Variants in SAMD12 observed in about 807,000 individuals in gnomAD.
The protein encoded by SAMD12 is sterile alpha motif domain containing 12.
Under a neutral mutation model 15.0 loss-of-function variants are expected in SAMD12, and 9 were observed. That is an observed-to-expected ratio of 0.60 (90% CI 0.36 to 1.05). SAMD12 has a LOEUF of 1.05. Ranked by LOEUF, SAMD12 falls within the 50% of genes least tolerant of loss-of-function variation. The probability of loss-of-function intolerance (pLI) is 0.01; values close to 1 mark genes in which losing one functional copy is unlikely to be tolerated. For synonymous variants in SAMD12, 86 were observed against 90.1 expected (o/e 0.96, Z 0.25); for missense variants, 230 against 234.2 (o/e 0.98, Z 0.12).
chr8:118,586,742 G>A (rs1342266287), intron 1 of SAMD12, among the ~76,000 whole-genome samples: 1 of 152,152 alleles, frequency 6.6e-6, no homozygotes, highest in African/African-American at 2.4e-5. Flanking sequence ...GCCCCCAGAA[G>A]AAGTGACTAC....
chr8:118,544,212 G>C (rs557010244), intron 2 of SAMD12, among the ~76,000 whole-genome samples: 1 of 152,168 alleles, frequency 6.6e-6, no homozygotes, highest in Non-Finnish European at 1.5e-5. Flanking sequence ...GCACAAAAAT[G>C]AGTCATATTT....
At chr8:118,274,344 T>C (rs2130125153) in intron 4 of SAMD12, among the ~76,000 whole-genome samples, 1 of 152,318 alleles carries the variant, frequency 6.6e-6, no homozygotes, top group African/African-American at 2.4e-5. Flanking sequence ...TTGGCAATTT[T>C]CGAGAAATGA....
At chr8:118,381,459 C>G (rs1222802307) in intron 3 of SAMD12, among the ~76,000 whole-genome samples, 2 of 152,190 alleles carry the variant, frequency 1.3e-5, no homozygotes, top group East Asian at 3.8e-4. Flanking sequence ...TCTTACCTTA[C>G]ATGACAAAAG....
At chr8:118,255,618 C>T (rs28479493) in intron 4 of SAMD12, among the ~76,000 whole-genome samples, 1 of 148,628 alleles carries the variant, frequency 6.7e-6, no homozygotes, top group Non-Finnish European at 1.5e-5. Flanking sequence ...GGTTTTTTGT[C>T]CTTGCGATAG....
At chr8:118,531,263 C>T (rs1392095206) in intron 2 of SAMD12, among the ~76,000 whole-genome samples, 3 of 152,086 alleles carry the variant, frequency 2.0e-5, no homozygotes, top group Non-Finnish European at 4.4e-5. Flanking sequence ...ATTTCTGAGG[C>T]TTCTATTCTG....
chr8:118,549,781 A>G (rs1382163961), intron 2 of SAMD12, among the ~76,000 whole-genome samples: 2 of 152,250 alleles, frequency 1.3e-5, no homozygotes, highest in Non-Finnish European at 2.9e-5. Context: ...AAACTTTGAA[A>G]AAAATTTAGA....
At chr8:118,432,474 A>T (rs1377322225) in intron 3 of SAMD12, among the ~76,000 whole-genome samples, 1 of 152,206 alleles carries the variant, frequency 6.6e-6, no homozygotes, top group African/African-American at 2.4e-5. Context: ...GGCAGTCATC[A>T]AGAGCTTTCT....
intron 4 of SAMD12, among the ~76,000 whole-genome samples, chr8:118,341,639 G>A (rs898723622): frequency 1.3e-4 from 20 of 152,156 alleles, no homozygotes; most frequent in South Asian, 2.1e-4. Flanking sequence ...GTGTCTTTGC[G>A]TAGTGGAAAG....
At chr8:118,186,550 C>T (rs1389369672), downstream of SAMD12, among the ~76,000 whole-genome samples, 2 of 95,944 alleles carry the variant, frequency 2.1e-5, no homozygotes, top group Admixed American at 9.3e-5. Context: ...CTTCTGTTAC[C>T]CTCCATTTTT....
chr8:118,438,867 ACTT>A (rs1424546261), intron 3 of SAMD12, among the ~76,000 whole-genome samples: 1 of 152,102 alleles, frequency 6.6e-6, no homozygotes, highest in Non-Finnish European at 1.5e-5. Flanking sequence ...ACTAGAAATG[ACTT>A]CTTAACACTG....
chr8:118,149,309 TA>T, the SAMD12 span, among the ~76,000 whole-genome samples: 1 of 152,204 alleles, frequency 6.6e-6, no homozygotes, highest in African/African-American at 2.4e-5. Flanking sequence ...CAGTTAAAAT[TA>T]TATATGTTTT....
intron 2 of SAMD12, among the ~76,000 whole-genome samples, chr8:118,463,431 A>T (rs1443723287): frequency 3.3e-5 from 5 of 152,134 alleles, no homozygotes; most frequent in Non-Finnish European, 5.9e-5. Flanking sequence ...GACATTCAGC[A>T]TCGTGTGGGA....
the SAMD12 span, among the ~76,000 whole-genome samples, chr8:118,151,367 T>C: frequency 1.3e-5 from 2 of 152,222 alleles, no homozygotes; most frequent in Non-Finnish European, 2.9e-5. Context: ...CAAATGTTTT[T>C]CAGCCCCTTC....
Position 118,607,182 on chromosome 8 carries a change from G to A in SAMD12, c.13+14622C>T, listed in dbSNP as rs144831835. Reference sequence around the variant, plus strand: ...TAAGAAGTCATTCTTTAATAGTCACGTTTTTACAGAAAATTCTGAAGATGA... The same window carrying A: ...TAAGAAGTCATTCTTTAATAGTCACATTTTTACAGAAAATTCTGAAGATGA... On this transcript the variant is annotated intron_variant, in intron 1 of 3. Transcript: ENST00000314727. Among the ~76,000 whole-genome samples, 904 of 152,050 alleles carry A rather than the reference G, an allele frequency of 5.9e-3. 6 individuals carry two copies. Among genetic ancestry groups the A allele is most frequent in the Non-Finnish European group, 9.6e-3 (655 of 67,970 alleles).
chr8:118,560,955 T>A (rs1322975608), intron 2 of SAMD12, among the ~76,000 whole-genome samples: 1 of 152,218 alleles, frequency 6.6e-6, no homozygotes, highest in Non-Finnish European at 1.5e-5. Flanking sequence ...GTCACTCAGA[T>A]AATAAAAACT....
At chr8:118,547,512 A>G (rs577320395) in intron 2 of SAMD12, among the ~76,000 whole-genome samples, 2 of 152,288 alleles carry the variant, frequency 1.3e-5, no homozygotes, top group East Asian at 1.9e-4. Context: ...CATCTCATTT[A>G]CCCAAAGATT....
intron 2 of SAMD12, among the ~76,000 whole-genome samples, chr8:118,478,512 T>C (rs980442932): frequency 2.0e-5 from 3 of 152,260 alleles, no homozygotes; most frequent in Admixed American, 2.0e-4. Context: ...ATTTAAAACA[T>C]TTCTAAAGCA....
chr8:118,524,323 C>T (rs1366128184), intron 2 of SAMD12, among the ~76,000 whole-genome samples: 1 of 152,144 alleles, frequency 6.6e-6, no homozygotes, highest in Non-Finnish European at 1.5e-5. Context: ...TTGATTCCAC[C>T]ATCGCTCCTT....
intron 4 of SAMD12, among the ~76,000 whole-genome samples, chr8:118,207,539 C>T (rs2129801151): frequency 6.6e-6 from 1 of 152,276 alleles, no homozygotes; most frequent in Non-Finnish European, 1.5e-5. Flanking sequence ...TGAAATTTCC[C>T]TCCGTCTCCA....
Sources: gnomAD v4.1 joint callset for allele counts (sites outside exome capture counted in the v4.1 genomes callset) on GRCh38, gnomAD v4.1.1 for gene constraint, MANE v1.5 for transcripts, NCBI Gene and HGNC (gene_info 2026-07-23, HGNC 2026-07-21) for gene names.